RNGTT: variants seen among roughly 807,000 people sequenced by gnomAD.
RNGTT encodes mRNA-capping enzyme.
Under a neutral mutation model 79.3 loss-of-function variants are expected in RNGTT, and 33 were observed. The observed-to-expected ratio is 0.42, with a 90% CI of 0.32 to 0.56. The LOEUF is 0.56. Ranked by LOEUF, RNGTT falls within the 20% of genes least tolerant of loss-of-function variation. The probability of loss-of-function intolerance (pLI) is 0.17; values close to 1 mark genes in which losing one functional copy is unlikely to be tolerated. For synonymous variants in RNGTT, 222 were observed against 235.9 expected (o/e 0.94, Z 0.54); for missense variants, 497 against 739.1 (o/e 0.67, Z 3.80).
At chr6:88,911,737 T>C (rs949276195) in intron 4 of RNGTT, among the ~76,000 whole-genome samples, 4 of 152,092 alleles carry the variant, frequency 2.6e-5, no homozygotes, top group African/African-American at 9.7e-5. Flanking sequence ...AAATCTCTGA[T>C]ATGCAGCAAA....
At chr6:88,705,129 C>T (rs1776087385) in intron 13 of RNGTT, among the ~76,000 whole-genome samples, 1 of 152,174 alleles carries the variant, frequency 6.6e-6, no homozygotes, top group East Asian at 1.9e-4. Context: ...ATTGAAACCA[C>T]TGATAAAAAT....
At position 88,823,663 on chromosome 6, in the gene RNGTT, A is replaced by C. The variant is rs1582504870; in HGVS notation, c.1269+20694T>G. 3.9e-5 allele frequency among the ~76,000 whole-genome samples: 6 copies of C among 152,322 alleles called. No homozygotes were observed. The South Asian group carries it at 1.2e-3, about 32-fold the overall frequency. On this transcript the variant is annotated intron_variant, in intron 11 of 15. Transcript: ENST00000369485. The stretch of plus-strand genomic sequence containing the variant: ...CCCCAAAAAATAGACTAATGGATGG[A>C]TAGAGAAATAGATGAATTAATATGT...
intron 12 of RNGTT, among the ~76,000 whole-genome samples, chr6:88,786,759 T>TG (rs1479557330): frequency 6.6e-6 from 1 of 152,214 alleles, no homozygotes; most frequent in Non-Finnish European, 1.5e-5. Context: ...CATTTCAAAT[T>TG]TTTTTAAAAC....
intron 13 of RNGTT, among the ~76,000 whole-genome samples, chr6:88,710,797 T>A (rs546745602): frequency 2.0e-5 from 3 of 152,158 alleles, no homozygotes; most frequent in African/African-American, 7.2e-5. Flanking sequence ...AAAAATTATA[T>A]AGCTTTCCAA....
intron 13 of RNGTT, among the ~76,000 whole-genome samples, chr6:88,710,536 C>A (rs949438643): frequency 2.0e-5 from 3 of 152,104 alleles, no homozygotes; most frequent in Non-Finnish European, 4.4e-5. Flanking sequence ...ATTTAAAACT[C>A]TTCTCTTTTT....
At chr6:88,894,616 G>A (rs1242882843) in intron 6 of RNGTT, among the ~76,000 whole-genome samples, 2 of 152,220 alleles carry the variant, frequency 1.3e-5, no homozygotes, top group Non-Finnish European at 2.9e-5. Flanking sequence ...CAGTACAGCA[G>A]TACTAGGCTA....
chr6:88,619,710 T>G (rs1041616008), intron 14 of RNGTT, among the ~76,000 whole-genome samples: 11 of 152,278 alleles, frequency 7.2e-5, no homozygotes, highest in Non-Finnish European at 1.6e-4. Context: ...ATTCTACCTT[T>G]TGATAATTCA....
At chr6:88,869,615 TAGTA>T (rs754380336) in intron 8 of RNGTT, among the ~76,000 whole-genome samples, 12 of 152,166 alleles carry the variant, frequency 7.9e-5, no homozygotes, top group Non-Finnish European at 1.6e-4. Flanking sequence ...CTTTTAACAC[TAGTA>T]AGTAATTCTT....
chr6:88,626,955 G>A (rs1368738602), intron 14 of RNGTT, among the ~76,000 whole-genome samples: 2 of 152,006 alleles, frequency 1.3e-5, no homozygotes, highest in Non-Finnish European at 2.9e-5. Flanking sequence ...CAAGCATGAT[G>A]AGAATTATAA....
chr6:88,913,382 C>A (rs1278285157), intron 4 of RNGTT, among the ~76,000 whole-genome samples: 1 of 151,974 alleles, frequency 6.6e-6, no homozygotes, highest in Non-Finnish European at 1.5e-5. Flanking sequence ...TATTGTGATA[C>A]CAAAATCTGG....
At chr6:88,775,041 A>G (rs903005772) in intron 12 of RNGTT, among the ~76,000 whole-genome samples, 2 of 152,192 alleles carry the variant, frequency 1.3e-5, no homozygotes, top group Non-Finnish European at 2.9e-5. Context: ...ACTAATCAAT[A>G]TATTTGTATA....
At chr6:88,945,466 TGTTA>T (rs1676759613) in intron 1 of RNGTT, among the ~76,000 whole-genome samples, 1 of 152,082 alleles carries the variant, frequency 6.6e-6, no homozygotes, top group African/African-American at 2.4e-5. Context: ...CCCAAACTCT[TGTTA>T]GTTTCAATCA....
chr6:88,825,361 C>A (rs780413755), intron 11 of RNGTT, among the ~76,000 whole-genome samples: 1 of 152,174 alleles, frequency 6.6e-6, no homozygotes, highest in Non-Finnish European at 1.5e-5. Context: ...CACAGTAGCA[C>A]AAACTTTCAA....
intron 1 of RNGTT, among the ~76,000 whole-genome samples, chr6:88,953,222 A>T (rs914307838): frequency 5.3e-5 from 8 of 152,330 alleles, no homozygotes; most frequent in Admixed American, 4.6e-4. Context: ...AATTTTAAAA[A>T]ATACAAGATA....
intron 13 of RNGTT, among the ~76,000 whole-genome samples, chr6:88,736,094 T>C (rs1209595384): frequency 6.6e-6 from 1 of 152,148 alleles, no homozygotes; most frequent in African/African-American, 2.4e-5. Flanking sequence ...AGTGGATCAA[T>C]TCTTTGAAAG....
intron 12 of RNGTT, among the ~76,000 whole-genome samples, chr6:88,781,628 C>G (rs1779067095): frequency 6.6e-6 from 1 of 152,136 alleles, no homozygotes; most frequent in Admixed American, 6.5e-5. Context: ...ATGAAAATTA[C>G]TCCCAAATCT....
Position 88,691,191 on chromosome 6 carries a change from G to A in RNGTT, c.1440-12772C>T, listed in dbSNP as rs189280272. ...CTCATAATAGTGAATGAGTTCTCACGAGACATGGTTGTTTAAAAGTGTGTA... is the reference window on the plus strand; with the variant it reads ...CTCATAATAGTGAATGAGTTCTCACAAGACATGGTTGTTTAAAAGTGTGTA... On this transcript the variant is annotated intron_variant, in intron 13 of 15. Transcript: ENST00000369485. Among the ~76,000 whole-genome samples the A allele has an allele frequency of 2.0e-3, 297 of 152,168 alleles. 3 individuals are homozygous for A. The highest frequency in any genetic ancestry group is 7.0e-3 in the African/African-American group (290 of 41,506).
chr6:88,647,715 A>AAAAAAAAAAAAAAAAAAAAAAAAAAAAAG (rs531898293), intron 14 of RNGTT, among the ~76,000 whole-genome samples: 4 of 142,434 alleles, frequency 2.8e-5, no homozygotes, highest in Admixed American at 6.8e-5. Context: ...AAAAAAAAAA[A>AAAAAAAAAAAAAAAAAAAAAAAAAAAAAG]AAGAAGAAGA....
chr6:88,849,745 A>G lies in RNGTT; in HGVS notation c.1104+10T>C. 6.6e-7 allele frequency: 1 copy of G among 1,512,060 alleles called. No homozygotes were observed. Among genetic ancestry groups the G allele is most frequent in the Admixed American group, 2.1e-5 (1 of 46,528 alleles). 93.7% of individuals were successfully genotyped at this position (1,512,060 alleles called of 1,614,324 possible). ...TAATAACTTGTATTTTATAAATTAT[A>G]GGTACTTACATTGAATTTAATTATG... On this transcript the variant is annotated intron_variant, in intron 10 of 15. Transcript: ENST00000369485.
Sources: gnomAD v4.1 joint callset for allele counts (sites outside exome capture counted in the v4.1 genomes callset) on GRCh38, gnomAD v4.1.1 for gene constraint, MANE v1.5 for transcripts, NCBI Gene and HGNC (gene_info 2026-07-23, HGNC 2026-07-21) for gene names.